The following PPP3CB variants were observed in gnomAD, a reference collection of about 807,000 sequenced individuals.
The protein encoded by PPP3CB is serine/threonine-protein phosphatase 2B catalytic subunit beta isoform.
In PPP3CB, 8 loss-of-function variants were observed where a neutral mutation model predicts 66.4. The observed-to-expected ratio is 0.12, with a 90% CI of 0.07 to 0.22. The LOEUF is 0.22. Ranked by LOEUF, PPP3CB falls within the 10% of genes least tolerant of loss-of-function variation. The pLI is 1.00. For synonymous variants in PPP3CB, 208 were observed against 221.2 expected (o/e 0.94, Z 0.53); for missense variants, 319 against 642.5 (o/e 0.50, Z 5.44).
Position 73,478,572 on chromosome 10 carries a change from A to G in PPP3CB, c.338T>C (p.Val113Ala). The G allele has an allele frequency of 6.2e-7, 1 of 1,610,750 alleles. No homozygotes were observed. Among genetic ancestry groups the G allele is most frequent in the East Asian group, 2.2e-5 (1 of 44,790 alleles). The change falls in exon 3 of 14, where the codon GTA becomes GCA. Residue 113 changes from valine to alanine, a missense_variant. Physicochemically the swap from Val to Ala is moderately conservative, Grantham distance 64 (BLOSUM62 0). Coordinates refer to ENST00000360663, the MANE Select transcript of PPP3CB (RefSeq NM_021132.4). ...QFFDLMKLFE[V>A]GGSPANTRYL... Reference sequence around the variant, plus strand: ...TCGTGTATTAGCAGGTGATCCTCCTACTTCAAAAAGTTTCATCAGATCAAA... The same window carrying G: ...TCGTGTATTAGCAGGTGATCCTCCTGCTTCAAAAAGTTTCATCAGATCAAA...
At position 73,471,165 on chromosome 10, in the gene PPP3CB, G is replaced by A; in HGVS notation, c.714C>T (p.Asp238=). 1 of 1,609,988 alleles carries A rather than the reference G, an allele frequency of 6.2e-7. No individual in the cohort carries two copies. The highest frequency in any genetic ancestry group is 1.1e-5 in the South Asian group (1 of 90,810). Residue 238 remains aspartate, a synonymous_variant, in exon 6 of 14, where the codon GAC becomes GAT. Transcript: ENST00000360663. ...KEPPAFGPMC[D]LLWSDPSEDF... ...CTTCAGAAGGATCGGACCATAACAA[G>A]TCACACATTGGTCCAAATGCAGGTG...
At chr10:73,454,598 A>C in intron 9 of PPP3CB, 109 bp from the exon 10 acceptor site, 1 of 626,578 alleles carries the variant, frequency 1.6e-6, no homozygotes, top group South Asian at 3.3e-5. Context: ...CCAAGAAAGC[A>C]AACACATTCT....
At chr10:73,444,906 A>T (rs2056222289) in intron 11 of PPP3CB, 84 bp from the exon 12 acceptor site, 1 of 1,300,008 alleles carries the variant, frequency 7.7e-7, no homozygotes, top group Non-Finnish European at 1.1e-6. Flanking sequence ...GATATAGGCC[A>T]TATATAAAAT....
Position 73,444,711 on chromosome 10 carries a change from C to T in PPP3CB, c.1366+14G>A, listed in dbSNP as rs1443994440. 3.1e-6 allele frequency: 5 copies of T among 1,614,010 alleles called. No individual in the cohort carries two copies. In the East Asian group the frequency reaches 6.7e-5, roughly 22 times the overall value. Reference sequence around the variant, plus strand: ...AGTCCATCTGAGGCACAGCAAGTTGCATAACATCATTACCACTTTGCAGGG... The same window carrying T: ...AGTCCATCTGAGGCACAGCAAGTTGTATAACATCATTACCACTTTGCAGGG... On this transcript the variant is annotated intron_variant, in intron 12 of 13. Transcript: ENST00000360663.
Position 73,476,400 on chromosome 10 carries a change from T to C in PPP3CB, c.412-1370A>G, listed in dbSNP as rs570588620. On this transcript the variant is annotated intron_variant, in intron 3 of 13. Coordinates refer to ENST00000360663, the MANE Select transcript of PPP3CB (RefSeq NM_021132.4). Reference sequence around the variant, plus strand: ...GGGAGGCCGAGGCAGGCAGATCACCTGAGGCCAGGAGTTCGAGATCAGCTT... The same window carrying C: ...GGGAGGCCGAGGCAGGCAGATCACCCGAGGCCAGGAGTTCGAGATCAGCTT... Among the ~76,000 whole-genome samples, 808 of 152,252 alleles carry C rather than the reference T, an allele frequency of 5.3e-3. 7 individuals carry two copies. The highest frequency in any genetic ancestry group is 0.018 in the African/African-American group (742 of 41,552).
chr10:73,446,110 T>TC (rs1262640107), intron 11 of PPP3CB, among the ~76,000 whole-genome samples: 1 of 144,942 alleles, frequency 6.9e-6, no homozygotes, highest in Admixed American at 6.9e-5. Flanking sequence ...TTTTCTTTCT[T>TC]TTTTTTTTTT....
At chr10:73,452,353 CTATTCT>C (rs1233090823) in intron 10 of PPP3CB, among the ~76,000 whole-genome samples, 1 of 152,106 alleles carries the variant, frequency 6.6e-6, no homozygotes, top group Non-Finnish European at 1.5e-5. Context: ...GAGCCCAGGT[CTATTCT>C]TAAAACAGTG....
At chr10:73,477,189 A>G (rs766422720) in intron 3 of PPP3CB, 1 of 518,922 alleles carries the variant, frequency 1.9e-6, no homozygotes, top group East Asian at 5.4e-5. Flanking sequence ...ATTAATCGAT[A>G]TGTCTTCAGT....
intron 10 of PPP3CB, among the ~76,000 whole-genome samples, chr10:73,452,716 G>T (rs554548510): frequency 6.6e-6 from 1 of 151,024 alleles, no homozygotes; most frequent in African/African-American, 2.4e-5. Flanking sequence ...AAAGGAAAGA[G>T]AATTAAAATA....
chr10:73,467,798 T>A, intron 8 of PPP3CB, 120 bp from the exon 9 acceptor site: 1 of 919,742 alleles, frequency 1.1e-6, no homozygotes, highest in South Asian at 1.7e-5. Context: ...CGGGGGTGAG[T>A]GGAATCAGGG....
chr10:73,487,581 A>C (rs536442445), intron 1 of PPP3CB, among the ~76,000 whole-genome samples: 450 of 151,030 alleles, frequency 3.0e-3, no homozygotes, highest in African/African-American at 8.8e-3. Context: ...AAAAAAAAAA[A>C]AAACAAACAG....
intron 1 of PPP3CB, among the ~76,000 whole-genome samples, chr10:73,491,097 C>T (rs928043469): frequency 1.6e-5 from 2 of 127,028 alleles, no homozygotes; most frequent in African/African-American, 5.7e-5. Flanking sequence ...GTGGCATGAA[C>T]TCGGCTCACT....
At chr10:73,455,729 C>T (rs1201918768) in intron 9 of PPP3CB, among the ~76,000 whole-genome samples, 6 of 152,276 alleles carry the variant, frequency 3.9e-5, no homozygotes, top group South Asian at 4.1e-4. Flanking sequence ...CCACCTCGCC[C>T]GGCTAATTTT....
At chr10:73,457,951 T>C (rs114613412) in intron 9 of PPP3CB, among the ~76,000 whole-genome samples, 390 of 152,172 alleles carry the variant, frequency 2.6e-3, no homozygotes, top group African/African-American at 8.7e-3. Flanking sequence ...TGTGGAATGA[T>C]AGACAAAGGA....
intron 1 of PPP3CB, 193 bp downstream of exon 1, chr10:73,495,612 C>T (rs2057187289): frequency 9.0e-6 from 7 of 776,926 alleles, no homozygotes; most frequent in African/African-American, 1.9e-5. Flanking sequence ...TGAAAGCAAC[C>T]GGGAGACCGC....
chr10:73,447,933 T>A (rs2056284768), intron 10 of PPP3CB, among the ~76,000 whole-genome samples: 1 of 149,806 alleles, frequency 6.7e-6, no homozygotes. Flanking sequence ...AAACTAAAAA[T>A]ATAAGAATCA....
chr10:73,462,949 C>CAAA (rs10569079), intron 9 of PPP3CB, among the ~76,000 whole-genome samples: 12 of 58,818 alleles, frequency 2.0e-4, no homozygotes, highest in Non-Finnish European at 3.1e-4. Flanking sequence ...GACTCTGTCT[C>CAAA]AAAAAAAAAA....
chr10:73,460,930 A>C (rs2056510507), intron 9 of PPP3CB, among the ~76,000 whole-genome samples: 1 of 152,246 alleles, frequency 6.6e-6, no homozygotes, highest in African/African-American at 2.4e-5. Context: ...GAGAGACACT[A>C]CTAGGGCAGT....
intron 1 of PPP3CB, among the ~76,000 whole-genome samples, chr10:73,487,651 T>C (rs1040740605): frequency 4.0e-5 from 6 of 151,810 alleles, no homozygotes; most frequent in Non-Finnish European, 5.9e-5. Context: ...CCAAAATACT[T>C]GTTTAACGAC....
Sources: allele counts gnomAD v4.1 joint callset (sites outside exome capture counted in the v4.1 genomes callset), GRCh38; gene constraint gnomAD v4.1.1; transcripts MANE v1.5; gene names NCBI Gene and HGNC (gene_info 2026-07-23, HGNC 2026-07-21).